The following ABLIM2 variants were observed in gnomAD, a reference collection of about 807,000 sequenced individuals.
The protein encoded by ABLIM2 is actin binding LIM protein family member 2.
ABLIM2 carries 53 observed loss-of-function variants against 97.7 expected under a neutral mutation model. The ratio of observed to expected loss-of-function variants is 0.54; its 90% CI spans 0.44 to 0.68. The LOEUF is 0.68. Among genes scored for constraint, ABLIM2 ranks in the 30% least tolerant of loss-of-function variants. The pLI is 0.00. For missense variants in ABLIM2, 835 were observed against 867.2 expected (o/e 0.96, Z 0.47); for synonymous variants, 361 against 345.8 (o/e 1.04, Z -0.49).
intron 4 of ABLIM2, 40 bp downstream of exon 4, chr4:8,088,129 A>T: frequency 2.9e-6 from 2 of 694,212 alleles, no homozygotes; most frequent in Non-Finnish European, 4.1e-6. Context: ...CCCACTCAGC[A>T]TGCCCCCACT....
intron 16 of ABLIM2, among the ~76,000 whole-genome samples, chr4:8,006,281 CCT>C (rs552036217): frequency 6.6e-6 from 1 of 152,336 alleles, no homozygotes; most frequent in East Asian, 1.9e-4. Context: ...ACAGCACCCC[CCT>C]CTCTTAGTCC....
At chr4:8,088,986 A>G (rs1825591422) in intron 3 of ABLIM2, among the ~76,000 whole-genome samples, 1 of 152,230 alleles carries the variant, frequency 6.6e-6, no homozygotes, top group Non-Finnish European at 1.5e-5. Context: ...AAGATGCTGG[A>G]CAATCGGATC....
chr4:8,020,113 G>T (rs1485235936), intron 13 of ABLIM2, 89 bp downstream of exon 13: 1 of 1,265,756 alleles, frequency 7.9e-7, no homozygotes, highest in Non-Finnish European at 1.1e-6. Context: ...CGCCTGCTGA[G>T]TCAAGGCAAG....
At position 8,003,741 on chromosome 4, in the gene ABLIM2, G is replaced by T. The variant is rs1467103485; in HGVS notation, c.1618+4318C>A. Among the ~76,000 whole-genome samples, 1 of 151,814 alleles carries T rather than the reference G, an allele frequency of 6.6e-6. No homozygotes were observed. The highest frequency in any genetic ancestry group is 2.4e-5 in the African/African-American group (1 of 41,348). On this transcript the variant is annotated intron_variant, in intron 16 of 20. Coordinates refer to ENST00000447017, the MANE Select transcript of ABLIM2 (RefSeq NM_001130083.2). The surrounding 1 kb of genome is among the most constrained non-coding windows in gnomAD (Gnocchi z 4.2). ...CCACCATGCCTGGCTGATTTTTTGTGTTTAGTAGAGACGGGGTTTCACCAT... is the reference window on the plus strand; with the variant it reads ...CCACCATGCCTGGCTGATTTTTTGTTTTTAGTAGAGACGGGGTTTCACCAT...
intron 1 of ABLIM2, among the ~76,000 whole-genome samples, chr4:8,115,626 C>A (rs369866078): frequency 1.3e-5 from 2 of 152,218 alleles, no homozygotes; most frequent in African/African-American, 4.8e-5. Context: ...GAGCTCCCCA[C>A]GGGCTGTCTG....
At chr4:8,109,982 T>G (rs1434015765) in intron 1 of ABLIM2, among the ~76,000 whole-genome samples, 1 of 152,176 alleles carries the variant, frequency 6.6e-6, no homozygotes, top group African/African-American at 2.4e-5. Flanking sequence ...TTAATAAAGA[T>G]GGTGGGGAGG....
intron 15 of ABLIM2, among the ~76,000 whole-genome samples, chr4:8,008,682 G>T (rs963763284): frequency 2.0e-5 from 3 of 152,198 alleles, no homozygotes; most frequent in Non-Finnish European, 4.4e-5. Context: ...ATCGGAGATG[G>T]TTCAGCCCAC....
Position 8,036,144 on chromosome 4 carries a change from C to T in ABLIM2, c.1047+5G>A, listed in dbSNP as rs778065818. On this transcript the variant is annotated splice_donor_5th_base_variant and intron_variant, in intron 10 of 20. Transcript: ENST00000447017. ...TGTCCAGGGCCATGTGGGCAGGGTC[C>T]ATACCTCGCCGTAGCTCTGCCTGTC... The T allele has an allele frequency of 1.9e-6, 3 of 1,613,582 alleles. No individual in the cohort carries two copies. Among genetic ancestry groups the T allele is most frequent in the South Asian group, 2.2e-5 (2 of 91,016 alleles).
intron 6 of ABLIM2, among the ~76,000 whole-genome samples, chr4:8,065,282 G>T (rs983379813): frequency 6.6e-6 from 1 of 152,160 alleles, no homozygotes; most frequent in Non-Finnish European, 1.5e-5. Context: ...GGTGGGCAAA[G>T]GACCTGAATA....
rs1229513088 is a variant in ABLIM2 at position 8,066,345 on chromosome 4, A to AGAGG, written c.676-5295_676-5292dup. ...AAGAAAAAAGAAAGGAGGGAGGGAG[A>AGAGG]GAGGGAGGGAGGGAGGGAAGGAAGG... On this transcript the variant is annotated intron_variant, in intron 6 of 20. Transcript: ENST00000447017. 7.9e-3 allele frequency among the ~76,000 whole-genome samples: 537 copies of AGAGG among 67,984 alleles called. 40 individuals are homozygous for AGAGG. Among genetic ancestry groups the AGAGG allele is most frequent in the Middle Eastern group, 0.035 (5 of 142 alleles). The allele number at this position is 67,984 out of a possible 152,430, so 44.6% of individuals were successfully genotyped here. A position where few individuals can be genotyped will look rare whatever the true frequency, so the allele number is the denominator to read the frequency against.
At chr4:8,031,179 C>G (rs189510283) in intron 10 of ABLIM2, among the ~76,000 whole-genome samples, 1 of 152,340 alleles carries the variant, frequency 6.6e-6, no homozygotes, top group Admixed American at 6.5e-5. Context: ...GGTCCTGTGA[C>G]CACCTCTGGA....
Position 8,091,431 on chromosome 4 carries a change from ATAAT to A in ABLIM2, c.339-3151_339-3148del, listed in dbSNP as rs1330643927. Among the ~76,000 whole-genome samples the A allele has an allele frequency of 6.6e-4, 31 of 47,042 alleles. 1 individual carries two copies. The highest frequency in any genetic ancestry group is 1.0e-3 in the Non-Finnish European group (24 of 23,506). The allele number at this position is 47,042 out of a possible 152,430, so 30.9% of individuals were successfully genotyped here. The stretch of plus-strand genomic sequence containing the variant: ...TATAATTATATATTATATATTATAT[ATAAT>A]TAATTATGTATTATATATAATTATA... On this transcript the variant is annotated intron_variant, in intron 3 of 20. Transcript: ENST00000447017.
chr4:8,102,946 C>T (rs926375641), intron 2 of ABLIM2, among the ~76,000 whole-genome samples: 1 of 152,216 alleles, frequency 6.6e-6, no homozygotes, highest in Non-Finnish European at 1.5e-5. Flanking sequence ...GGTTCTCCTC[C>T]CTAATGAGAG....
chr4:8,036,105 C>T (rs1481325525), intron 10 of ABLIM2, 44 bp downstream of exon 10: 1 of 1,605,874 alleles, frequency 6.2e-7, no homozygotes, highest in Admixed American at 1.7e-5. Flanking sequence ...CAGGGCAGCA[C>T]TTGGGGACAC....
intron 12 of ABLIM2, among the ~76,000 whole-genome samples, chr4:8,024,243 C>T (rs1036424661): frequency 6.6e-6 from 1 of 152,240 alleles, no homozygotes; most frequent in Admixed American, 6.5e-5. Flanking sequence ...TCAGCAGCAC[C>T]GACTCCCCTC....
Position 8,004,441 on chromosome 4 carries a change from A to T in ABLIM2, c.1618+3618T>A, listed in dbSNP as rs1187593268. ...TCTCACACATGCCTCATGTGCTGGG[A>T]TTGGAGGAAAGGGTCTTATTCCCTT... On this transcript the variant is annotated intron_variant, in intron 16 of 20. Coordinates refer to ENST00000447017, the MANE Select transcript of ABLIM2 (RefSeq NM_001130083.2). This position sits in a 1 kb window ranked among gnomAD's most constrained non-coding sequence, Gnocchi z 5.9. Among the ~76,000 whole-genome samples, 1 of 151,942 alleles carries T rather than the reference A, an allele frequency of 6.6e-6. No homozygotes were observed. The highest frequency in any genetic ancestry group is 1.9e-4 in the East Asian group (1 of 5,170).
At chr4:8,136,577 G>C (rs1850229083) in intron 1 of ABLIM2, among the ~76,000 whole-genome samples, 1 of 152,228 alleles carries the variant, frequency 6.6e-6, no homozygotes, top group South Asian at 2.1e-4. Context: ...ACCCCACGTG[G>C]CTGACTTTGT....
chr4:8,143,166 G>GA, intron 1 of ABLIM2, among the ~76,000 whole-genome samples: 1 of 149,146 alleles, frequency 6.7e-6, no homozygotes, highest in East Asian at 2.0e-4. Flanking sequence ...GAGTGGGGGG[G>GA]GGGGGCGTCT....
chr4:8,107,686 G>A (rs770634416), intron 1 of ABLIM2, among the ~76,000 whole-genome samples: 33 of 152,346 alleles, frequency 2.2e-4, no homozygotes, highest in Non-Finnish European at 3.8e-4. Context: ...GCTGCAGTCG[G>A]CAGAACAATG....
Sources: allele counts gnomAD v4.1 joint callset (sites outside exome capture counted in the v4.1 genomes callset), GRCh38; gene constraint gnomAD v4.1.1; non-coding constraint Gnocchi (gnomAD v3.1); transcripts MANE v1.5; gene names NCBI Gene and HGNC (gene_info 2026-07-23, HGNC 2026-07-21).